HMCN2: variants seen among roughly 807,000 people sequenced by gnomAD.
The protein encoded by HMCN2 is hemicentin-2.
HMCN2 carries 325 observed loss-of-function variants against 377.5 expected under a neutral mutation model. The observed-to-expected ratio is 0.86, with a 90% confidence interval of 0.79 to 0.94. HMCN2 has a LOEUF of 0.94. Among genes scored for constraint, HMCN2 ranks in the 40% least tolerant of loss-of-function variants. The pLI, the probability that HMCN2 is intolerant of heterozygous loss-of-function variation, is 0.00. For synonymous variants in HMCN2, 2,007 were observed against 2,046.8 expected (o/e 0.98, Z 0.53); for missense variants, 4,543 against 4,725.3 (o/e 0.96, Z 1.13).
At chr9:130,398,185 CAT>C (rs1842702668) in intron 74 of HMCN2, among the ~76,000 whole-genome samples, 2 of 111,072 alleles carry the variant, frequency 1.8e-5, no homozygotes, top group East Asian at 2.8e-4. Flanking sequence ...AAAAGTAAAA[CAT>C]GTGAAAGGAT....
chr9:130,334,724 CTCTCTTTCTCTCTCTT>C (rs1272256602), intron 22 of HMCN2, among the ~76,000 whole-genome samples: 9 of 144,880 alleles, frequency 6.2e-5, no homozygotes, highest in African/African-American at 1.8e-4. Flanking sequence ...TCTCTCTCTT[CTCTCTTTCTCTCTCTT>C]TCTCTTTCTC....
At position 130,408,848 on chromosome 9, in the gene HMCN2, A is replaced by G. The variant is rs2131743028; in HGVS notation, c.12794A>G (p.His4265Arg). 2 of 1,289,762 alleles carry G rather than the reference A, an allele frequency of 1.6e-6. No homozygotes were observed. The highest frequency in any genetic ancestry group is 2.0e-6 in the Non-Finnish European group (2 of 988,864). The allele number at this position is 1,289,762 out of a possible 1,614,324, so 79.9% of individuals were successfully genotyped here. ...CGTGGAGACCCAGTGCCGGACATCCACTGGATCAAAGATGGCCTTCCACTG... is the reference window on the plus strand; with the variant it reads ...CGTGGAGACCCAGTGCCGGACATCCGCTGGATCAAAGATGGCCTTCCACTG... ...VVRGDPVPDI[H>R]WIKDGLPLRG... Residue 4265 changes from histidine (H) to arginine (R), a missense_variant, in exon 84 of 98, where the codon CAC (histidine) becomes CGC (arginine). His to Arg is a conservative substitution (Grantham distance 29). Around this residue, in one of 5 missense-constraint regions of HMCN2, gnomAD observed 1,073 missense variants for 1,319.5 expected, o/e 0.81. Coordinates refer to ENST00000683500, the MANE Select transcript of HMCN2 (RefSeq NM_001291815.2).
intron 43 of HMCN2, among the ~76,000 whole-genome samples, chr9:130,367,167 A>G (rs905439598): frequency 5.9e-5 from 9 of 152,114 alleles, no homozygotes; most frequent in African/African-American, 1.9e-4. Context: ...AGCTGCCATT[A>G]CCGAGATGGG....
In HMCN2 at chr9:130,375,906, A is replaced by T; in HGVS notation, c.7835A>T (p.Gln2612Leu). The change falls in exon 51 of 98, where the codon CAG becomes CTG. Residue 2612 changes from glutamine to leucine, a missense_variant. Physicochemically the swap from Gln to Leu is moderately radical, Grantham distance 113. Transcript: ENST00000683500. ...GTHGLQILNA[Q>L]KEDAGQYTCV... ...CACGGGCTGCAGATCCTGAATGCCC[A>T]GAAGGAAGATGCTGGCCAGTACACC... 1.0e-6 allele frequency: 1 copy of T among 985,968 alleles called. No homozygotes were observed. The highest frequency in any genetic ancestry group is 1.2e-6 in the Non-Finnish European group (1 of 830,036). The allele number at this position is 985,968 out of a possible 1,614,324, so 61.1% of individuals were successfully genotyped here.
In HMCN2 at chr9:130,424,943, G is replaced by A. The variant is rs1428040579; in HGVS notation, c.13519+30G>A. ...ACAGGGCCTCCCCCAGGTGGGCCAGGTAGGACTAAAGCCTGCGCCCAGGAC... is the reference window on the plus strand; with the variant it reads ...ACAGGGCCTCCCCCAGGTGGGCCAGATAGGACTAAAGCCTGCGCCCAGGAC... On this transcript the variant is annotated intron_variant, in intron 88 of 97. Transcript: ENST00000683500. 6.8e-6 allele frequency: 10 copies of A among 1,478,490 alleles called. No individual in the cohort carries two copies. In the South Asian group the frequency reaches 6.8e-5, roughly 10 times the overall value. The allele number at this position is 1,478,490 out of a possible 1,614,324, so 91.6% of individuals were successfully genotyped here.
rs1165772809 is a variant in HMCN2 at position 130,425,696 on chromosome 9, G to C, written c.13651G>C (p.Glu4551Gln). Residue 4551 changes from glutamate (E) to glutamine (Q), a missense_variant, in exon 90 of 98, where the codon GAG becomes CAG. Glu to Gln is a conservative substitution (Grantham distance 29, BLOSUM62 2). This residue lies in a region of HMCN2 where 1,155 missense variants were observed against 1,157.7 expected (regional missense o/e 1.00). Coordinates refer to ENST00000683500, the MANE Select transcript of HMCN2 (RefSeq NM_001291815.2). ...DADLQVQDFE[E>Q]HYVQTGPGQL... ...CCTCTTCATCCTGCAGGACTTTGAG[G>C]AGCACTACGTGCAAACAGGGCCTGG... The C allele has an allele frequency of 2.6e-6, 4 of 1,547,588 alleles. No homozygotes were observed. In the East Asian group the frequency reaches 9.8e-5, roughly 38 times the overall value.
rs1481033771 is a variant in HMCN2 at position 130,433,600 on chromosome 9, C to T, written c.15147C>T (p.Arg5049=). Residue 5049 remains arginine, a synonymous_variant, in exon 98 of 98, where the codon CGC becomes CGT. Transcript: ENST00000683500. ...GAVYTRRALT[R]AGLYRLTVRA... ...TCTACACCCGTCGCGCGCTCACCCG[C>T]GCCGGCCTCTACCGGCTCACCGTGC... 7.9e-6 allele frequency: 12 copies of T among 1,514,380 alleles called. No homozygotes were observed. The highest frequency in any genetic ancestry group is 2.2e-5 in the Admixed American group (1 of 45,804). 93.8% of individuals were successfully genotyped at this position (1,514,380 alleles called of 1,614,324 possible). A position where few individuals can be genotyped will look rare whatever the true frequency, so the allele number is the denominator to read the frequency against.
At chr9:130,305,336 C>G (rs144227905) in intron 11 of HMCN2, among the ~76,000 whole-genome samples, 1 of 152,146 alleles carries the variant, frequency 6.6e-6, no homozygotes, top group African/African-American at 2.4e-5. Flanking sequence ...ATAGGTAGGG[C>G]AGGGACTGAA....
At chr9:130,411,951 GTA>G (rs1491082769) in intron 85 of HMCN2, among the ~76,000 whole-genome samples, 5 of 81,434 alleles carry the variant, frequency 6.1e-5, no homozygotes, top group African/African-American at 1.0e-4. Flanking sequence ...TTTATGTAAT[GTA>G]TTTTTTTTAC....
intron 15 of HMCN2, among the ~76,000 whole-genome samples, chr9:130,313,648 C>T (rs894832807): frequency 6.6e-5 from 10 of 152,030 alleles, no homozygotes; most frequent in Middle Eastern, 3.4e-3. Flanking sequence ...GACCAGCGCT[C>T]GGTGAGGTGG....
At chr9:130,398,783 G>A (rs1435073775) in intron 75 of HMCN2, 76 bp downstream of exon 75, 2 of 1,192,838 alleles carry the variant, frequency 1.7e-6, no homozygotes, top group East Asian at 5.8e-5. Flanking sequence ...GGGGGCATGG[G>A]GCAGGGACGG....
intron 43 of HMCN2, among the ~76,000 whole-genome samples, chr9:130,367,277 G>A (rs1487838727): frequency 6.6e-6 from 1 of 152,118 alleles, no homozygotes; most frequent in African/African-American, 2.4e-5. Context: ...TGGATGGTGA[G>A]AGACAGGTGT....
chr9:130,287,194 C>T (rs1158520838), intron 4 of HMCN2, among the ~76,000 whole-genome samples: 2 of 152,154 alleles, frequency 1.3e-5, no homozygotes, highest in African/African-American at 2.4e-5. Flanking sequence ...CCAGGTCCCT[C>T]CCGCTTGTCC....
intron 4 of HMCN2, among the ~76,000 whole-genome samples, chr9:130,289,307 T>G (rs1835606912): frequency 6.6e-6 from 1 of 151,800 alleles, no homozygotes; most frequent in Non-Finnish European, 1.5e-5. Context: ...AGGAGAAAGG[T>G]GTCCTTCTAA....
chr9:130,392,101 C>T lies in HMCN2; in HGVS notation c.10119C>T (p.Gly3373=). ...TCTCCCAGCGCACCCTCCTCCACGG[C>T]TCTGGCCACACCCTCAGGTAGGGGA... ...LPLSQRTLLH[G]SGHTLRISKV... Residue 3373 remains glycine (G), a synonymous_variant, in exon 66 of 98, where the codon GGC becomes GGT. Transcript: ENST00000683500. 1.0e-6 allele frequency: 1 copy of T among 988,384 alleles called. No individual in the cohort carries two copies. Among genetic ancestry groups the T allele is most frequent in the Middle Eastern group, 2.8e-4 (1 of 3,548 alleles). The allele number at this position is 988,384 out of a possible 1,614,324, so 61.2% of individuals were successfully genotyped here.
chr9:130,408,082 A>T (rs1179845444), intron 83 of HMCN2, among the ~76,000 whole-genome samples: 1 of 152,218 alleles, frequency 6.6e-6, no homozygotes, highest in Non-Finnish European at 1.5e-5. Context: ...CCAGCCAGCC[A>T]GTTGTCCCCT....
chr9:130,306,717 C>T (rs896284479), intron 12 of HMCN2, 94 bp from the exon 13 acceptor site: 1 of 412,432 alleles, frequency 2.4e-6, no homozygotes, highest in Non-Finnish European at 5.2e-6. Flanking sequence ...ACAGAATGGT[C>T]GTCGCTAGTG....
intron 74 of HMCN2, among the ~76,000 whole-genome samples, 172 bp downstream of exon 74, chr9:130,397,827 G>A (rs1274925300): frequency 6.6e-6 from 1 of 152,124 alleles, no homozygotes; most frequent in Non-Finnish European, 1.5e-5. Context: ...GGACACAGAT[G>A]TATTTTAGTG....
intron 62 of HMCN2, among the ~76,000 whole-genome samples, chr9:130,389,290 T>C (rs954786612): frequency 6.6e-6 from 1 of 152,222 alleles, no homozygotes; most frequent in Non-Finnish European, 1.5e-5. Flanking sequence ...TTCAGTGATT[T>C]GTAGTACAGT....
Sources: gnomAD v4.1 joint callset for allele counts (sites outside exome capture counted in the v4.1 genomes callset) on GRCh38, gnomAD v4.1.1 for gene constraint, gnomAD v4.1.1 regional missense constraint, MANE v1.5 for transcripts, NCBI Gene and HGNC (gene_info 2026-07-23, HGNC 2026-07-21) for gene names.